The following TNIK variants were observed in gnomAD, a reference collection of about 807,000 sequenced individuals.
The protein encoded by TNIK is TRAF2 and NCK-interacting protein kinase.
TNIK carries 49 observed loss-of-function variants against 191.3 expected under a neutral mutation model. That is an observed-to-expected ratio of 0.26 (90% CI 0.20 to 0.32). The LOEUF (loss-of-function observed/expected upper bound fraction) is 0.32. Among genes scored for constraint, TNIK ranks in the 10% least tolerant of loss-of-function variants. TNIK has a pLI of 1.00. For missense variants in TNIK, 1,155 were observed against 1,702.3 expected, an observed-to-expected ratio of 0.68 and a Z score of 5.66; for synonymous variants, 594 against 600.9, an observed-to-expected ratio of 0.99 and a Z score of 0.17.
rs1156310610 is a variant in TNIK, at chr3:171,157,629, C to T, written c.1052G>A (p.Arg351Gln). 2.6e-6 allele frequency: 4 copies of T among 1,556,262 alleles called. No individual in the cohort carries two copies. Among genetic ancestry groups the T allele is most frequent in the Non-Finnish European group, 3.5e-6 (4 of 1,149,926 alleles). Residue 351 changes from arginine (R) to glutamine (Q), a missense_variant, in exon 12 of 33, where the codon CGG becomes CAG. Transcript: ENST00000436636. ...ILNLPGESTL[R>Q]RDFLRLQLAN... is the part of the protein sequence containing the mutation. ...CAGCTGCAGCCTCAGAAAGTCCCTC[C>T]GCAGCGTCGACTCCCCTGGCAGATT... is the stretch of plus-strand genomic sequence containing the variant.
intron 1 of TNIK, among the ~76,000 whole-genome samples, chr3:171,416,173 G>A (rs889532928): frequency 1.3e-5 from 2 of 151,924 alleles, no homozygotes; most frequent in Non-Finnish European, 2.9e-5. Context: ...TTTTTGAGAA[G>A]AAGGTCCAAG....
intron 27 of TNIK, among the ~76,000 whole-genome samples, chr3:171,081,837 A>G (rs1720727997): frequency 6.6e-6 from 1 of 151,988 alleles, no homozygotes; most frequent in Non-Finnish European, 1.5e-5. Flanking sequence ...TCAGTGGGCT[A>G]TAAGCAAGAG....
chr3:171,322,839 CTTTTTT>C (rs10617013), intron 2 of TNIK, among the ~76,000 whole-genome samples: 4 of 136,328 alleles, frequency 2.9e-5, no homozygotes, highest in East Asian at 2.1e-4. Flanking sequence ...GTTTTCTTTT[CTTTTTT>C]TTTTTTTTTT....
intron 2 of TNIK, among the ~76,000 whole-genome samples, chr3:171,307,297 T>C (rs1753559571): frequency 1.3e-5 from 2 of 152,068 alleles, no homozygotes; most frequent in African/African-American, 4.8e-5. Context: ...GATCATCAAA[T>C]AGAAACCCTG....
intron 1 of TNIK, among the ~76,000 whole-genome samples, chr3:171,391,714 T>C (rs1719531625): frequency 1.3e-5 from 2 of 152,242 alleles, no homozygotes; most frequent in South Asian, 4.1e-4. Flanking sequence ...CTTCCATGCA[T>C]ATGTATGTAA....
chr3:171,419,115 C>T (rs1723436935), intron 1 of TNIK, among the ~76,000 whole-genome samples: 1 of 152,120 alleles, frequency 6.6e-6, no homozygotes, highest in African/African-American at 2.4e-5. Context: ...TTCAAAGGGC[C>T]CGTCTCCAAA....
At chr3:171,272,558 G>A (rs772398755) in intron 2 of TNIK, among the ~76,000 whole-genome samples, 4 of 152,080 alleles carry the variant, frequency 2.6e-5, no homozygotes, top group Admixed American at 1.3e-4. Flanking sequence ...TCCTCTGACT[G>A]TACATTTTTA....
chr3:171,297,228 C>T (rs1440459338), intron 2 of TNIK, among the ~76,000 whole-genome samples: 1 of 152,188 alleles, frequency 6.6e-6, no homozygotes, highest in Non-Finnish European at 1.5e-5. Context: ...CATCCTATTT[C>T]AAGCACTAAC....
rs1455622331 is a variant in TNIK, at chr3:171,060,828, A to G, written c.*3053T>C. 6.6e-6 allele frequency among the ~76,000 whole-genome samples: 1 copy of G among 152,146 alleles called. No homozygotes were observed. Among genetic ancestry groups the G allele is most frequent in the Admixed American group, 6.5e-5 (1 of 15,268 alleles). ...GTCACCTGCCAGACCCCAGACCCAG[A>G]CTATGGTGTGGGCAGGCTCAGTAGA... On this transcript the variant is annotated 3_prime_UTR_variant, in exon 33 of 33. Coordinates refer to ENST00000436636, the MANE Select transcript of TNIK (RefSeq NM_015028.4).
intron 2 of TNIK, among the ~76,000 whole-genome samples, chr3:171,296,930 C>T (rs1377325418): frequency 1.3e-5 from 2 of 152,166 alleles, no homozygotes; most frequent in Non-Finnish European, 2.9e-5. Flanking sequence ...TTTTAGATTT[C>T]GCTGTTCTCA....
Position 171,345,720 on chromosome 3 carries a change from T to A in TNIK, c.123+23900A>T, listed in dbSNP as rs1044898614. 1.3e-4 allele frequency among the ~76,000 whole-genome samples: 20 copies of A among 152,300 alleles called. No homozygotes were observed. The East Asian group carries it at 3.7e-3, about 28-fold the overall frequency. ...GGTCAAAAGGTGAAAATGGACTTTT[T>A]TTCCCCTTCCTTATTCCTTAGTTGC... On this transcript the variant is annotated intron_variant, in intron 2 of 32. Coordinates refer to ENST00000436636, the MANE Select transcript of TNIK (RefSeq NM_015028.4).
At chr3:171,152,641 G>T (rs946977456) in intron 12 of TNIK, among the ~76,000 whole-genome samples, 3 of 152,192 alleles carry the variant, frequency 2.0e-5, no homozygotes, top group African/African-American at 7.2e-5. Flanking sequence ...ACCCTCAGAA[G>T]TTGACGTCTT....
intron 16 of TNIK, among the ~76,000 whole-genome samples, chr3:171,127,793 A>G (rs1213182150): frequency 6.6e-6 from 1 of 152,234 alleles, no homozygotes; most frequent in Admixed American, 6.5e-5. Flanking sequence ...AACACAAAGA[A>G]TACTTGATTT....
chr3:171,307,228 C>A (rs932979538), intron 2 of TNIK, among the ~76,000 whole-genome samples: 9 of 152,010 alleles, frequency 5.9e-5, no homozygotes, highest in African/African-American at 2.2e-4. Context: ...GCAAAAATTG[C>A]CATTCTGTGC....
At chr3:171,101,674 C>G (rs771821036) in intron 21 of TNIK, 41 bp from the exon 22 acceptor site, 8 of 1,590,214 alleles carry the variant, frequency 5.0e-6, no homozygotes, top group Non-Finnish European at 6.0e-6. Flanking sequence ...GTGGTAGATA[C>G]GACCAAAGCT....
chr3:171,265,036 C>T (rs1000983974), intron 2 of TNIK, among the ~76,000 whole-genome samples: 24 of 152,146 alleles, frequency 1.6e-4, no homozygotes, highest in African/African-American at 5.8e-4. Flanking sequence ...TTCCACGTGG[C>T]ATGGCATGGC....
intron 3 of TNIK, among the ~76,000 whole-genome samples, chr3:171,217,749 G>A (rs530634489): frequency 3.3e-5 from 5 of 152,274 alleles, no homozygotes; most frequent in African/African-American, 1.2e-4. Flanking sequence ...TTACGACCAT[G>A]AGAAGTATGT....
chr3:171,341,690 A>C (rs1041265107), intron 2 of TNIK, among the ~76,000 whole-genome samples: 1 of 152,126 alleles, frequency 6.6e-6, no homozygotes, highest in African/African-American at 2.4e-5. Context: ...CACTAAACAC[A>C]TACCCTGTAT....
intron 9 of TNIK, among the ~76,000 whole-genome samples, chr3:171,170,778 C>G (rs920944652): frequency 2.4e-4 from 37 of 152,134 alleles, no homozygotes; most frequent in Non-Finnish European, 4.4e-5. Context: ...TGGCCAGGTG[C>G]GGTAGTTCAC....
Sources: allele counts gnomAD v4.1 joint callset (sites outside exome capture counted in the v4.1 genomes callset), GRCh38; gene constraint gnomAD v4.1.1; transcripts MANE v1.5; gene names NCBI Gene and HGNC (gene_info 2026-07-23, HGNC 2026-07-21).